Variants in ZNF84 observed in about 807,000 individuals in gnomAD.
ZNF84 encodes zinc finger protein 84, also known as zinc finger protein HPF2.
ZNF84 carries 12 observed loss-of-function variants against 14.8 expected under a neutral mutation model. That is an observed-to-expected ratio of 0.81 (90% confidence interval 0.52 to 1.31). The LOEUF is 1.31. Ranked by LOEUF, ZNF84 falls within the 50% of genes most tolerant of loss-of-function variation. The pLI is 0.00. For synonymous variants in ZNF84, 347 were observed against 291.1 expected (o/e 1.19, Z -1.96); for missense variants, 859 against 878.6 (o/e 0.98, Z 0.28).
intron 1 of ZNF84, among the ~76,000 whole-genome samples, chr12:133,040,041 A>G (rs1438817014): frequency 2.0e-5 from 3 of 152,022 alleles, no homozygotes; most frequent in Non-Finnish European, 4.4e-5. Context: ...ATGGGGTTTC[A>G]TCATGTTGGT....
Position 133,063,210 on chromosome 12 carries a change from C to T in ZNF84, c.*4278C>T, listed in dbSNP as rs1954294671. On this transcript the variant is annotated 3_prime_UTR_variant, in exon 5 of 5. Transcript: ENST00000539354. ...ACCTGGTTCTTCTGGTCTTCATGTT[C>T]AGGTCCACCTCTGCCCTTTTCATGT... 1 of 702,368 alleles carries T rather than the reference C, an allele frequency of 1.4e-6. No individual in the cohort carries two copies. Among genetic ancestry groups the T allele is most frequent in the Non-Finnish European group, 2.6e-6 (1 of 384,828 alleles). The allele number at this position is 702,368 out of a possible 1,614,324, so 43.5% of individuals were successfully genotyped here.
chr12:133,044,874 A>C (rs1189552855), intron 2 of ZNF84, among the ~76,000 whole-genome samples: 1 of 151,932 alleles, frequency 6.6e-6, no homozygotes, highest in Middle Eastern at 3.4e-3. Context: ...AGATTGCGCC[A>C]CTGCACTCCA....
intron 4 of ZNF84, among the ~76,000 whole-genome samples, chr12:133,052,781 C>T (rs1290027321): frequency 6.6e-6 from 1 of 152,178 alleles, no homozygotes; most frequent in Non-Finnish European, 1.5e-5. Flanking sequence ...TGAGGAGACA[C>T]ATTTAGTCCA....
At chr12:133,038,366 A>C (rs2137310574) in intron 1 of ZNF84, among the ~76,000 whole-genome samples, 2 of 152,238 alleles carry the variant, frequency 1.3e-5, no homozygotes, top group Middle Eastern at 6.8e-3. Context: ...TGTATGTATT[A>C]CAGTGGGCCT....
intron 4 of ZNF84, among the ~76,000 whole-genome samples, chr12:133,051,634 A>G (rs1698080): frequency 0.94 from 142,349 of 152,200 alleles, 66,734 homozygotes; most frequent in East Asian, 1. Context: ...ATATAGTAAC[A>G]CATGTGTTTG....
chr12:133,044,923 A>G (rs1953952812), intron 2 of ZNF84, among the ~76,000 whole-genome samples: 1 of 151,990 alleles, frequency 6.6e-6, no homozygotes, highest in South Asian at 2.1e-4. Context: ...CAAAAAAAAA[A>G]AGAATATAGC....
In ZNF84 at chr12:133,058,263, A is replaced by G; in HGVS notation, c.1548A>G (p.Val516=). Residue 516 remains valine, a synonymous_variant, in exon 5 of 5, where the codon GTA becomes GTG. Transcript: ENST00000539354. ...QRIHTGEKPY[V]CSECGKAFCQ... is the part of the protein sequence containing the mutation. Reference sequence around the variant, plus strand: ...TTCATACAGGAGAAAAACCATATGTATGCAGTGAATGTGGGAAAGCCTTTT... The same window carrying G: ...TTCATACAGGAGAAAAACCATATGTGTGCAGTGAATGTGGGAAAGCCTTTT... 2 of 1,614,106 alleles carry G rather than the reference A, an allele frequency of 1.2e-6. No homozygotes were observed. Among genetic ancestry groups the G allele is most frequent in the Non-Finnish European group, 8.5e-7 (1 of 1,180,014 alleles).
In ZNF84 at chr12:133,048,945, G is replaced by C. The variant is rs940449393; in HGVS notation, c.238+97G>C. ...TAGTCAGTGATGGGTGGGCTGGTCAGTGATGGGTTGGCTGGTCAGTGACGG... is the reference window on the plus strand; with the variant it reads ...TAGTCAGTGATGGGTGGGCTGGTCACTGATGGGTTGGCTGGTCAGTGACGG... On this transcript the variant is annotated intron_variant, in intron 4 of 4. Coordinates refer to ENST00000539354, the MANE Select transcript of ZNF84 (RefSeq NM_001289971.2). The C allele has an allele frequency of 1.6e-5, 15 of 964,854 alleles. No individual in the cohort carries two copies. The East Asian group carries it at 1.6e-4, about 10-fold the overall frequency. The allele number at this position is 964,854 out of a possible 1,614,324, so 59.8% of individuals were successfully genotyped here.
intron 2 of ZNF84, among the ~76,000 whole-genome samples, chr12:133,043,731 T>C (rs202223795): frequency 0.014 from 2,095 of 152,260 alleles, 26 homozygotes; most frequent in Non-Finnish European, 0.021. Flanking sequence ...ATATTGACTT[T>C]GTATACGGGA....
chr12:133,063,120 G>A lies in ZNF84; in HGVS notation c.*4188G>A. 1.4e-6 allele frequency: 1 copy of A among 702,402 alleles called. No individual in the cohort carries two copies. 43.5% of individuals were successfully genotyped at this position (702,402 alleles called of 1,614,324 possible). A position where few individuals can be genotyped will look rare whatever the true frequency, so the allele number is the denominator to read the frequency against. On this transcript the variant is annotated 3_prime_UTR_variant, in exon 5 of 5. Transcript: ENST00000539354. Reference sequence around the variant, plus strand: ...GCCACATGGAGAAACATGGTCTGCAGTGAGAGAGAAGAATGAAGCCATGAT... The same window carrying A: ...GCCACATGGAGAAACATGGTCTGCAATGAGAGAGAAGAATGAAGCCATGAT...
In ZNF84 at chr12:133,058,487, G is replaced by T. The variant is rs867284082; in HGVS notation, c.1772G>T (p.Arg591Ile). ...AAATCACAGCTAAATACCCATCAGAGAATTCACACTGGAGAGAAACCCTAT... is the reference window on the plus strand; with the variant it reads ...AAATCACAGCTAAATACCCATCAGATAATTCACACTGGAGAGAAACCCTAT... ...SQKSQLNTHQ[R>I]IHTGEKPYEC... Residue 591 changes from arginine to isoleucine, a missense_variant, in exon 5 of 5, where the codon AGA becomes ATA. Physicochemically the swap from Arg to Ile is moderately conservative, Grantham distance 97. Coordinates refer to ENST00000539354, the MANE Select transcript of ZNF84 (RefSeq NM_001289971.2). 2 of 1,614,016 alleles carry T rather than the reference G, an allele frequency of 1.2e-6. No individual in the cohort carries two copies. The highest frequency in any genetic ancestry group is 1.7e-5 in the Admixed American group (1 of 60,008).
chr12:133,063,285 CTCA>C lies in ZNF84; in HGVS notation c.*4355_*4357del. The C allele has an allele frequency of 1.4e-6, 1 of 701,068 alleles. No homozygotes were observed. The highest frequency in any genetic ancestry group is 2.6e-6 in the Non-Finnish European group (1 of 383,950). 43.4% of individuals were successfully genotyped at this position (701,068 alleles called of 1,614,324 possible). ...GATACTCCAAATATCCTAATAAATT[CTCA>C]TGTTTGCTTCATCTGGCTCAAGTTG... is the stretch of plus-strand genomic sequence containing the variant. On this transcript the variant is annotated 3_prime_UTR_variant, in exon 5 of 5. Transcript: ENST00000539354.
chr12:133,063,056 G>C lies in ZNF84; in HGVS notation c.*4124G>C. The C allele has an allele frequency of 1.4e-6, 1 of 698,420 alleles. No homozygotes were observed. Among genetic ancestry groups the C allele is most frequent in the African/African-American group, 1.7e-5 (1 of 57,224 alleles). 43.3% of individuals were successfully genotyped at this position (698,420 alleles called of 1,614,324 possible). On this transcript the variant is annotated 3_prime_UTR_variant, in exon 5 of 5. Coordinates refer to ENST00000539354, the MANE Select transcript of ZNF84 (RefSeq NM_001289971.2). The stretch of plus-strand genomic sequence containing the variant: ...TGTCTGTGTAATTTTTGCATCACAA[G>C]CTATATTTAAATGTGGGTGCAGTGA...
Position 133,063,210 on chromosome 12 carries a change from CAG to C in ZNF84, c.*4279_*4280del. On this transcript the variant is annotated 3_prime_UTR_variant, in exon 5 of 5. Coordinates refer to ENST00000539354, the MANE Select transcript of ZNF84 (RefSeq NM_001289971.2). ...ACCTGGTTCTTCTGGTCTTCATGTT[CAG>C]GTCCACCTCTGCCCTTTTCATGTCT... 1.4e-6 allele frequency: 1 copy of C among 702,368 alleles called. No homozygotes were observed. Among genetic ancestry groups the C allele is most frequent in the Non-Finnish European group, 2.6e-6 (1 of 384,828 alleles). 43.5% of individuals were successfully genotyped at this position (702,368 alleles called of 1,614,324 possible).
chr12:133,057,628 C>T lies in ZNF84; in HGVS notation c.913C>T (p.His305Tyr), dbSNP rs1252090259. 7 of 1,614,058 alleles carry T rather than the reference C, an allele frequency of 4.3e-6. No homozygotes were observed. Among genetic ancestry groups the T allele is most frequent in the African/African-American group, 4.0e-5 (3 of 74,918 alleles). ...TGGGAAAGCCTTCTCCCGGAAGTCA[C>T]ATCTCATATCGCATTGGAGAACACA... Reference protein sequence around the residue: ...ECGKAFSRKSHLISHWRTHTG... With the variant: ...ECGKAFSRKSYLISHWRTHTG... The change falls in exon 5 of 5, where the codon CAT becomes TAT. Residue 305 changes from histidine (H) to tyrosine (Y), a missense_variant. His to Tyr is a moderately conservative substitution (Grantham distance 83). Transcript: ENST00000539354.
intron 1 of ZNF84, chr12:133,039,046 G>T (rs1953839561): frequency 6.6e-6 from 1 of 152,104 alleles, no homozygotes; most frequent in East Asian, 1.9e-4. Context: ...TATTTAGCTT[G>T]TGTATGTTTT....
At position 133,062,597 on chromosome 12, in the gene ZNF84, C is replaced by T. The variant is rs796125644; in HGVS notation, c.*3665C>T. On this transcript the variant is annotated 3_prime_UTR_variant, in exon 5 of 5. Transcript: ENST00000539354. ...CAACCATAACCCTTGCAGATGCATGCATGTTTTCTGCACCTTGCTATCATT... is the reference window on the plus strand; with the variant it reads ...CAACCATAACCCTTGCAGATGCATGTATGTTTTCTGCACCTTGCTATCATT... 6 of 166,048 alleles carry T rather than the reference C, an allele frequency of 3.6e-5. No individual in the cohort carries two copies. The highest frequency in any genetic ancestry group is 1.4e-4 in the African/African-American group (6 of 41,748). The allele number at this position is 166,048 out of a possible 1,614,324, so 10.3% of individuals were successfully genotyped here.
rs2137425177 is a variant in ZNF84, at chr12:133,058,436, G to A, written c.1721G>A (p.Arg574Lys). 1 of 1,614,052 alleles carries A rather than the reference G, an allele frequency of 6.2e-7. No individual in the cohort carries two copies. The highest frequency in any genetic ancestry group is 1.7e-5 in the Admixed American group (1 of 60,020). Residue 574 changes from arginine to lysine, a missense_variant, in exon 5 of 5, where the codon AGG (arginine) becomes AAG (lysine). Physicochemically the swap from Arg to Lys is conservative, Grantham distance 26. Coordinates refer to ENST00000539354, the MANE Select transcript of ZNF84 (RefSeq NM_001289971.2). ...ACTGGAGAAAAACCGTATGAATGCA[G>A]GGACTGTGAAAAAGCTTTCTCCCAG... Reference protein sequence around the residue: ...THTGEKPYECRDCEKAFSQKS... With the variant: ...THTGEKPYECKDCEKAFSQKS...
chr12:133,056,925 C>G, intron 4 of ZNF84, 29 bp from the exon 5 acceptor site: 1 of 1,527,564 alleles, frequency 6.5e-7, no homozygotes. Flanking sequence ...AAAGCACAAC[C>G]AAACAGATTG....
Sources: allele counts gnomAD v4.1 joint callset (sites outside exome capture counted in the v4.1 genomes callset), GRCh38; gene constraint gnomAD v4.1.1; transcripts MANE v1.5; gene names NCBI Gene and HGNC (gene_info 2026-07-23, HGNC 2026-07-21).